The following PHACTR3 variants were observed in gnomAD, a reference collection of about 807,000 sequenced individuals.
PHACTR3 encodes phosphatase and actin regulator 3, also known as protein phosphatase 1, regulatory subunit 123.
PHACTR3 carries 16 observed loss-of-function variants against 66.8 expected under a neutral mutation model. The ratio of observed to expected loss-of-function variants is 0.24; its 90% CI spans 0.16 to 0.36. PHACTR3 has a LOEUF of 0.36. Among genes scored for constraint, PHACTR3 ranks in the 10% least tolerant of loss-of-function variants. The pLI, the probability that PHACTR3 is intolerant of heterozygous loss-of-function variation, is 1.00. For synonymous variants in PHACTR3, 323 were observed against 292.1 expected, an observed-to-expected ratio of 1.11 and a Z score of -1.08; for missense variants, 647 against 719.9, an observed-to-expected ratio of 0.90 and a Z score of 1.16.
In PHACTR3 at chr20:59,829,007, G is replaced by C. The variant is rs1423954324; in HGVS notation, c.1329-7498G>C. Among the ~76,000 whole-genome samples the C allele has an allele frequency of 1.3e-5, 2 of 152,014 alleles. No individual in the cohort carries two copies. The highest frequency in any genetic ancestry group is 2.4e-5 in the African/African-American group (1 of 41,386). On this transcript the variant is annotated intron_variant, in intron 8 of 12. Coordinates refer to ENST00000371015, the MANE Select transcript of PHACTR3 (RefSeq NM_080672.5). The surrounding 1 kb of genome is among the most constrained non-coding windows in gnomAD (Gnocchi z 4.2). ...CCCAGCAGACTTGGAGCTTCCTGGG[G>C]TGTTGGACGTAGGGAGTAAGAGGAG...
At chr20:59,826,793 C>A (rs564939094) in intron 8 of PHACTR3, among the ~76,000 whole-genome samples, 20 of 152,324 alleles carry the variant, frequency 1.3e-4, no homozygotes, top group African/African-American at 4.6e-4. Flanking sequence ...CTTGGCCTTT[C>A]TTCCTCACTC....
At chr20:59,780,187 C>T (rs973630835) in intron 7 of PHACTR3, among the ~76,000 whole-genome samples, 4 of 152,170 alleles carry the variant, frequency 2.6e-5, no homozygotes, top group African/African-American at 9.7e-5. Context: ...TGCTGCTCCT[C>T]CTGCAGACAG....
rs186674783 is a variant in PHACTR3, at chr20:59,577,701, C to T, written c.109+84C>T. The T allele has an allele frequency of 4.0e-3, 3,793 of 949,862 alleles. 102 individuals are homozygous for T. The African/African-American group carries it at 0.06, about 15-fold the overall frequency. 58.8% of individuals were successfully genotyped at this position (949,862 alleles called of 1,614,324 possible). Reference sequence around the variant, plus strand: ...ACGAGGCGCTGGGGGACGACTCCTCCTGAATCCCTTGCCCTTGGCCGTTGC... The same window carrying T: ...ACGAGGCGCTGGGGGACGACTCCTCTTGAATCCCTTGCCCTTGGCCGTTGC... On this transcript the variant is annotated intron_variant, in intron 1 of 12. Coordinates refer to the PHACTR3 transcript ENST00000359926.
chr20:59,582,755 G>C (rs1384677751), intron 1 of PHACTR3, among the ~76,000 whole-genome samples: 4 of 152,078 alleles, frequency 2.6e-5, no homozygotes, highest in African/African-American at 9.7e-5. Flanking sequence ...TCTTTTTCCA[G>C]GGGGGTCGTT....
chr20:59,630,535 G>A (rs117204487), intron 1 of PHACTR3, among the ~76,000 whole-genome samples: 1 of 152,294 alleles, frequency 6.6e-6, no homozygotes, highest in East Asian at 1.9e-4. Flanking sequence ...TAGACGTCAA[G>A]TTTTCATTTT....
chr20:59,621,963 A>G lies in PHACTR3; in HGVS notation c.118+16831A>G, dbSNP rs183577043. 4.6e-5 allele frequency among the ~76,000 whole-genome samples: 7 copies of G among 152,296 alleles called. No individual in the cohort carries two copies. The East Asian group carries it at 1.4e-3, about 29-fold the overall frequency. ...CAGATCTTTTAAGGTCAACTTTGCC[A>G]TCTGTCTTTTAGGCAATAACCTTCA... On this transcript the variant is annotated intron_variant, in intron 1 of 12. Coordinates refer to ENST00000371015, the MANE Select transcript of PHACTR3 (RefSeq NM_080672.5).
At chr20:59,591,366 G>A (rs1224701299) in intron 1 of PHACTR3, among the ~76,000 whole-genome samples, 1 of 152,118 alleles carries the variant, frequency 6.6e-6, no homozygotes, top group Non-Finnish European at 1.5e-5. Context: ...GTCTCCACCC[G>A]GGCAAGGCTC....
intron 12 of PHACTR3, 62 bp downstream of exon 12, chr20:59,845,327 G>T (rs573450608): frequency 9.8e-7 from 1 of 1,025,230 alleles, no homozygotes; most frequent in Non-Finnish European, 1.5e-6. Context: ...GCCTTCCCCC[G>T]TCCCCCGCCA....
At position 59,772,295 on chromosome 20, in the gene PHACTR3, A is replaced by C. The variant is rs2040386880; in HGVS notation, c.752-984A>C. Among the ~76,000 whole-genome samples, 3 of 152,178 alleles carry C rather than the reference A, an allele frequency of 2.0e-5. No homozygotes were observed. The South Asian group carries it at 6.2e-4, about 31-fold the overall frequency. On this transcript the variant is annotated intron_variant, in intron 5 of 12. Transcript: ENST00000371015. Reference sequence around the variant, plus strand: ...CTTGAATGAGCAAAGCCTGTTTAGAATCATCTTCAAAGTCATTTCATGTAC... The same window carrying C: ...CTTGAATGAGCAAAGCCTGTTTAGACTCATCTTCAAAGTCATTTCATGTAC...
At chr20:59,592,621 C>T (rs2033217035) in intron 1 of PHACTR3, among the ~76,000 whole-genome samples, 1 of 152,192 alleles carries the variant, frequency 6.6e-6, no homozygotes, top group South Asian at 2.1e-4. Context: ...TACTGCCCTA[C>T]AAATCCTCTG....
At chr20:59,610,190 G>A (rs1568931821) in intron 1 of PHACTR3, among the ~76,000 whole-genome samples, 1 of 152,234 alleles carries the variant, frequency 6.6e-6, no homozygotes, top group Non-Finnish European at 1.5e-5. Context: ...GGGAAGCAGA[G>A]GTTGCATGGA....
chr20:59,643,068 T>C (rs898173982), intron 1 of PHACTR3, among the ~76,000 whole-genome samples: 6 of 152,236 alleles, frequency 3.9e-5, no homozygotes, highest in Non-Finnish European at 7.4e-5. Context: ...CCCGCCACCA[T>C]GCCCAGCTAA....
intron 1 of PHACTR3, among the ~76,000 whole-genome samples, chr20:59,685,566 C>T (rs762430800): frequency 3.9e-5 from 6 of 152,196 alleles, no homozygotes; most frequent in East Asian, 1.9e-4. Context: ...GGGTTCACTG[C>T]GCCGTTGCCA....
chr20:59,841,242 C>T (rs2059054920), intron 10 of PHACTR3, among the ~76,000 whole-genome samples, 153 bp from the exon 11 acceptor site: 1 of 152,072 alleles, frequency 6.6e-6, no homozygotes, highest in African/African-American at 2.4e-5. Flanking sequence ...TTCAGCCCTT[C>T]ACATTAGAGA....
At chr20:59,843,560 A>G (rs1359648614) in intron 11 of PHACTR3, 1 of 152,160 alleles carries the variant, frequency 6.6e-6, no homozygotes, top group African/African-American at 2.4e-5. Flanking sequence ...TTTTTGACAA[A>G]GGTGCCAAGA....
intron 1 of PHACTR3, among the ~76,000 whole-genome samples, chr20:59,699,248 T>C (rs1006274943): frequency 3.9e-5 from 6 of 152,234 alleles, no homozygotes; most frequent in African/African-American, 1.4e-4. Context: ...TTTCTTGTTT[T>C]AGTCTTGGGC....
Position 59,765,524 on chromosome 20 carries a change from C to T in PHACTR3, c.542-1662C>T, listed in dbSNP as rs146179924. 6.4e-3 allele frequency among the ~76,000 whole-genome samples: 970 copies of T among 152,232 alleles called. 12 individuals carry two copies. The highest frequency in any genetic ancestry group is 0.022 in the African/African-American group (895 of 41,528). On this transcript the variant is annotated intron_variant, in intron 4 of 12. Coordinates refer to ENST00000371015, the MANE Select transcript of PHACTR3 (RefSeq NM_080672.5). Reference sequence around the variant, plus strand: ...GTTCTCCAGGCATTAGGAGGGCTGGCCTTTCTGAGATAAGGACTCCATTGT... The same window carrying T: ...GTTCTCCAGGCATTAGGAGGGCTGGTCTTTCTGAGATAAGGACTCCATTGT...
chr20:59,804,265 G>A (rs920757895), intron 7 of PHACTR3, among the ~76,000 whole-genome samples: 3 of 152,148 alleles, frequency 2.0e-5, no homozygotes, highest in Non-Finnish European at 2.9e-5. Flanking sequence ...TTCACACAGA[G>A]TGAGTTTTCA....
intron 9 of PHACTR3, among the ~76,000 whole-genome samples, chr20:59,840,057 C>A (rs771831054): frequency 1.3e-5 from 2 of 150,808 alleles, no homozygotes; most frequent in East Asian, 3.9e-4. Context: ...GGGAGAAAGA[C>A]AGACACAGAG....
Sources: gnomAD v4.1 joint callset for allele counts (sites outside exome capture counted in the v4.1 genomes callset) on GRCh38, gnomAD v4.1.1 for gene constraint, Gnocchi (gnomAD v3.1) non-coding constraint, MANE v1.5 for transcripts, NCBI Gene and HGNC (gene_info 2026-07-23, HGNC 2026-07-21) for gene names.